Variants in R3HDM1 observed in about 807,000 individuals in gnomAD.
The protein encoded by R3HDM1 is R3H domain containing 1, also known as R3H domain-containing protein 1.
R3HDM1 carries 46 observed loss-of-function variants against 141.1 expected under a neutral mutation model. That is an observed-to-expected ratio of 0.33 (90% CI 0.26 to 0.42). The LOEUF is 0.42. R3HDM1 is among the 10% of genes least tolerant of loss of function. The pLI is 1.00. For synonymous variants in R3HDM1, 435 were observed against 472.9 expected, an observed-to-expected ratio of 0.92 and a Z score of 1.04; for missense variants, 1,184 against 1,368.3, an observed-to-expected ratio of 0.87 and a Z score of 2.12.
chr2:135,665,252 T>G, intron 19 of R3HDM1: 1 of 323,478 alleles, frequency 3.1e-6, no homozygotes. Context: ...TAAAGAAACT[T>G]TCTGCAGGTA....
At chr2:135,586,671 A>C (rs1238880696) in intron 1 of R3HDM1, 8 of 985,070 alleles carry the variant, frequency 8.1e-6, no homozygotes, top group Non-Finnish European at 9.6e-6. Context: ...TTTTGCAAAA[A>C]TATATTTGTT....
At chr2:135,672,700 C>T (rs2068580499) in intron 19 of R3HDM1, among the ~76,000 whole-genome samples, 1 of 152,076 alleles carries the variant, frequency 6.6e-6, no homozygotes, top group South Asian at 2.1e-4. Flanking sequence ...GTCAAATTTT[C>T]AAAATGTACG....
At chr2:135,561,491 C>T (rs1701791322) in intron 1 of R3HDM1, among the ~76,000 whole-genome samples, 1 of 152,072 alleles carries the variant, frequency 6.6e-6, no homozygotes, top group Non-Finnish European at 1.5e-5. Context: ...CCAAGGCAGG[C>T]GGATCACTTG....
intron 1 of R3HDM1, among the ~76,000 whole-genome samples, chr2:135,577,877 C>A (rs991262150): frequency 6.7e-6 from 1 of 149,742 alleles, no homozygotes; most frequent in African/African-American, 2.5e-5. Context: ...AGCACTTAGA[C>A]GCCATTTCTC....
chr2:135,617,730 T>C (rs2061170002), intron 5 of R3HDM1, among the ~76,000 whole-genome samples: 1 of 152,236 alleles, frequency 6.6e-6, no homozygotes, highest in Admixed American at 6.5e-5. Flanking sequence ...TTTACCAATG[T>C]TTATCTTGTG....
At chr2:135,558,820 A>C (rs989136639) in intron 1 of R3HDM1, among the ~76,000 whole-genome samples, 3 of 152,152 alleles carry the variant, frequency 2.0e-5, no homozygotes, top group Non-Finnish European at 4.4e-5. Flanking sequence ...TACATATTTC[A>C]TGGTGATTTG....
intron 16 of R3HDM1, 64 bp downstream of exon 16, chr2:135,645,591 C>A: frequency 5.2e-6 from 8 of 1,533,736 alleles, no homozygotes; most frequent in Non-Finnish European, 7.1e-6. Flanking sequence ...GGACTAAATT[C>A]GCTAATTATA....
At position 135,695,199 on chromosome 2, in the gene R3HDM1, A is replaced by G. The variant is rs867032424; in HGVS notation, c.2460-14234A>G. 2.6e-5 allele frequency among the ~76,000 whole-genome samples: 4 copies of G among 152,370 alleles called. No homozygotes were observed. In the South Asian group the frequency reaches 8.3e-4, roughly 32 times the overall value. On this transcript the variant is annotated intron_variant, in intron 21 of 26. Transcript: ENST00000683871. Reference sequence around the variant, plus strand: ...CTCAAAAATACTGTTACAAATTACAAGAGTATCCAACACCCAACAAGGTTA... The same window carrying G: ...CTCAAAAATACTGTTACAAATTACAGGAGTATCCAACACCCAACAAGGTTA...
intron 1 of R3HDM1, among the ~76,000 whole-genome samples, chr2:135,589,004 G>GATTTTGT (rs948385088): frequency 6.6e-6 from 1 of 152,032 alleles, no homozygotes; most frequent in Non-Finnish European, 1.5e-5. Context: ...TTTTCCTCAA[G>GATTTTGT]ATTTTGTATT....
At chr2:135,604,656 C>T in intron 2 of R3HDM1, 150 bp from the exon 3 acceptor site, 1 of 543,918 alleles carries the variant, frequency 1.8e-6, no homozygotes, top group Admixed American at 3.2e-5. Context: ...TTGGATGTAT[C>T]TAGCACAAAA....
At chr2:135,645,083 GA>G in intron 15 of R3HDM1, 1 of 179,200 alleles carries the variant, frequency 5.6e-6, no homozygotes, top group Non-Finnish European at 1.2e-5. Context: ...CTCCGTCTAA[GA>G]AAATAATAAT....
chr2:135,561,206 T>G, intron 1 of R3HDM1: 39 of 613,704 alleles, frequency 6.4e-5, no homozygotes, highest in Non-Finnish European at 7.3e-5. Context: ...GTACATTCTG[T>G]GAGATGACCT....
intron 21 of R3HDM1, among the ~76,000 whole-genome samples, chr2:135,700,002 C>G (rs896035531): frequency 1.3e-5 from 2 of 152,118 alleles, no homozygotes; most frequent in Non-Finnish European, 2.9e-5. Flanking sequence ...GCATATCAAG[C>G]CCATTTTTCT....
chr2:135,604,752 T>C, intron 2 of R3HDM1, 54 bp from the exon 3 acceptor site: 1 of 1,296,718 alleles, frequency 7.7e-7, no homozygotes, highest in South Asian at 1.2e-5. Context: ...GTCAGTATCA[T>C]GCAGTAACTG....
chr2:135,604,675 T>C (rs991495217), intron 2 of R3HDM1, 131 bp from the exon 3 acceptor site: 20 of 628,958 alleles, frequency 3.2e-5, no homozygotes, highest in Middle Eastern at 4.6e-4. Flanking sequence ...AATTATATAC[T>C]CCTTGAAATC....
chr2:135,685,638 G>T (rs1361854848), intron 21 of R3HDM1, among the ~76,000 whole-genome samples: 1 of 152,020 alleles, frequency 6.6e-6, no homozygotes, highest in Non-Finnish European at 1.5e-5. Context: ...CTAAATACAT[G>T]CTATATTCAT....
intron 21 of R3HDM1, among the ~76,000 whole-genome samples, chr2:135,695,588 T>G (rs999935810): frequency 6.6e-6 from 1 of 152,124 alleles, no homozygotes; most frequent in Non-Finnish European, 1.5e-5. Context: ...TAAAAAGTTA[T>G]AGAGAAAATC....
chr2:135,541,943 A>G (rs1255870260), intron 1 of R3HDM1, among the ~76,000 whole-genome samples: 1 of 151,994 alleles, frequency 6.6e-6, no homozygotes, highest in East Asian at 1.9e-4. Flanking sequence ...AAAATGTGTG[A>G]GACCAGAAGT....
At chr2:135,548,540 C>T (rs2104919687) in intron 1 of R3HDM1, among the ~76,000 whole-genome samples, 1 of 152,242 alleles carries the variant, frequency 6.6e-6, no homozygotes, top group South Asian at 2.1e-4. Flanking sequence ...ACATTGCTGT[C>T]ACCCAAGAAA....
Sources: gnomAD v4.1 joint callset for allele counts (sites outside exome capture counted in the v4.1 genomes callset) on GRCh38, gnomAD v4.1.1 for gene constraint, MANE v1.5 for transcripts, NCBI Gene and HGNC (gene_info 2026-07-23, HGNC 2026-07-21) for gene names.